The following COMMD1 variants were observed in gnomAD, a reference collection of about 807,000 sequenced individuals.
COMMD1 encodes COMM domain-containing protein 1.
Under a neutral mutation model 17.2 loss-of-function variants are expected in COMMD1, and 10 were observed. That is an observed-to-expected ratio of 0.58 (90% confidence interval 0.36 to 0.99). The LOEUF is 0.99. COMMD1 is among the 50% of genes least tolerant of loss of function. The pLI is 0.01. For missense variants in COMMD1, 270 were observed against 231.8 expected, an observed-to-expected ratio of 1.17 and a Z score of -1.07; for synonymous variants, 97 against 91.6, an observed-to-expected ratio of 1.06 and a Z score of -0.34.
intron 1 of COMMD1, among the ~76,000 whole-genome samples, chr2:61,897,844 C>A (rs191372146): frequency 1.3e-5 from 2 of 152,220 alleles, no homozygotes; most frequent in East Asian, 3.9e-4. Flanking sequence ...ACCCTAGGCT[C>A]CTGGTTCCAT....
intron 1 of COMMD1, among the ~76,000 whole-genome samples, chr2:61,897,198 A>T (rs1488763562): frequency 6.6e-6 from 1 of 152,192 alleles, no homozygotes; most frequent in Non-Finnish European, 1.5e-5. Context: ...AAACCTTGTT[A>T]AATGAATTCT....
chr2:61,941,778 GA>G (rs1437578824), intron 1 of COMMD1, among the ~76,000 whole-genome samples: 2 of 151,892 alleles, frequency 1.3e-5, no homozygotes, highest in Non-Finnish European at 2.9e-5. Flanking sequence ...TTAAAATTAA[GA>G]ATTTTGTCCT....
At chr2:61,963,842 G>A (rs1671434444) in intron 1 of COMMD1, among the ~76,000 whole-genome samples, 1 of 152,204 alleles carries the variant, frequency 6.6e-6, no homozygotes, top group African/African-American at 2.4e-5. Context: ...ATGTAGAATT[G>A]CACTTTACCT....
chr2:62,021,671 A>G (rs1268303478), intron 2 of COMMD1, among the ~76,000 whole-genome samples: 1 of 152,150 alleles, frequency 6.6e-6, no homozygotes, highest in Non-Finnish European at 1.5e-5. Context: ...CTTAATGTTT[A>G]TATCATTAGC....
At chr2:62,016,871 C>T (rs1367301967) in intron 2 of COMMD1, among the ~76,000 whole-genome samples, 1 of 152,064 alleles carries the variant, frequency 6.6e-6, no homozygotes. Flanking sequence ...CTTTGATCCA[C>T]TCGAGTTAAT....
At chr2:61,930,753 A>G (rs1465462288) in intron 1 of COMMD1, among the ~76,000 whole-genome samples, 1 of 151,714 alleles carries the variant, frequency 6.6e-6, no homozygotes, top group East Asian at 1.9e-4. Flanking sequence ...TACTAAGATA[A>G]TAGTTGGAAG....
At chr2:62,079,120 C>T (rs1671443129) in intron 2 of COMMD1, among the ~76,000 whole-genome samples, 1 of 152,112 alleles carries the variant, frequency 6.6e-6, no homozygotes, top group Non-Finnish European at 1.5e-5. Flanking sequence ...GGTCCCGAAC[C>T]AGACCCCAAG....
intron 2 of COMMD1, among the ~76,000 whole-genome samples, chr2:62,048,659 G>A (rs1005911502): frequency 7.9e-5 from 12 of 151,604 alleles, no homozygotes; most frequent in Non-Finnish European, 1.0e-4. Context: ...TTTCTAGAAC[G>A]TTCATAGTTT....
At position 62,109,114 on chromosome 2, in the gene COMMD1, T is replaced by G. The variant is rs114616028; in HGVS notation, c.463-26717T>G. Reference sequence around the variant, plus strand: ...AGTATTCCAAGAAGAACAGAGATTATCAAGGTGCTTGATAATGACTTAATT... The same window carrying G: ...AGTATTCCAAGAAGAACAGAGATTAGCAAGGTGCTTGATAATGACTTAATT... On this transcript the variant is annotated intron_variant, in intron 2 of 2. Coordinates refer to ENST00000311832, the MANE Select transcript of COMMD1 (RefSeq NM_152516.4). Among the ~76,000 whole-genome samples the G allele has an allele frequency of 6.7e-3, 1,016 of 152,348 alleles. 14 individuals are homozygous for G. Among genetic ancestry groups the G allele is most frequent in the African/African-American group, 0.023 (957 of 41,578 alleles).
chr2:61,941,089 G>A (rs538194446), intron 1 of COMMD1, among the ~76,000 whole-genome samples: 1 of 150,162 alleles, frequency 6.7e-6, no homozygotes, highest in Admixed American at 6.6e-5. Flanking sequence ...GTGCGGTGGC[G>A]CGATCTTGGC....
Position 62,050,895 on chromosome 2 carries a change from A to T in COMMD1, c.462+49913A>T, listed in dbSNP as rs575403814. Among the ~76,000 whole-genome samples, 37 of 152,336 alleles carry T rather than the reference A, an allele frequency of 2.4e-4. 1 individual carries two copies. The highest frequency in any genetic ancestry group is 2.1e-4 in the South Asian group (1 of 4,832). ...GGACTTGTGAATCAAAAACAAAAACAGAAACAAACAGAACCCCTTTTCTTC... is the reference window on the plus strand; with the variant it reads ...GGACTTGTGAATCAAAAACAAAAACTGAAACAAACAGAACCCCTTTTCTTC... On this transcript the variant is annotated intron_variant, in intron 2 of 2. Coordinates refer to ENST00000311832, the MANE Select transcript of COMMD1 (RefSeq NM_152516.4).
intron 2 of COMMD1, among the ~76,000 whole-genome samples, chr2:62,091,220 A>G (rs1407484787): frequency 6.6e-6 from 1 of 152,160 alleles, no homozygotes; most frequent in Non-Finnish European, 1.5e-5. Flanking sequence ...TGAGTGCTGT[A>G]TTATCTTTTA....
intron 2 of COMMD1, among the ~76,000 whole-genome samples, chr2:62,004,747 T>C (rs1468896941): frequency 6.6e-6 from 1 of 152,224 alleles, no homozygotes; most frequent in Non-Finnish European, 1.5e-5. Context: ...CCTTGGTTAG[T>C]ACTTATGCCA....
intron 2 of COMMD1, among the ~76,000 whole-genome samples, chr2:62,080,772 G>A (rs1471880083): frequency 7.5e-6 from 1 of 134,202 alleles, no homozygotes; most frequent in Non-Finnish European, 1.5e-5. Context: ...TGGAGTTCTG[G>A]ATGATAGTTG....
intron 2 of COMMD1, among the ~76,000 whole-genome samples, chr2:62,109,531 A>G (rs1672399159): frequency 1.3e-5 from 2 of 152,164 alleles, no homozygotes; most frequent in African/African-American, 2.4e-5. Flanking sequence ...CTTTCTAAAA[A>G]CCCTATGAAG....
chr2:62,000,704 A>G lies in COMMD1; in HGVS notation c.184A>G (p.Ile62Val), dbSNP rs749972858. The G allele has an allele frequency of 3.2e-5, 52 of 1,613,940 alleles. No individual in the cohort carries two copies. In the Admixed American group the frequency reaches 6.7e-4, roughly 21 times the overall value. Residue 62 changes from isoleucine to valine, a missense_variant, in exon 2 of 3, where the codon ATT (isoleucine) becomes GTT (valine). Transcript: ENST00000311832. Reference sequence around the variant, plus strand: ...GCTTTTTCTGTCATCTTTATAGTCTATTGCGTCTGCAGACATGGATTTCAA... The same window carrying G: ...GCTTTTTCTGTCATCTTTATAGTCTGTTGCGTCTGCAGACATGGATTTCAA... ...LAKMRGILKSIASADMDFNQL... is the reference protein window; with the variant it reads ...LAKMRGILKSVASADMDFNQL...
chr2:62,083,796 A>G (rs866213246), intron 2 of COMMD1, among the ~76,000 whole-genome samples: 2 of 152,252 alleles, frequency 1.3e-5, no homozygotes, highest in African/African-American at 2.4e-5. Context: ...ACTCAAGTGT[A>G]TAGTATAAGG....
At position 62,116,047 on chromosome 2, in the gene COMMD1, G is replaced by A. The variant is rs141848241; in HGVS notation, c.463-19784G>A. Among the ~76,000 whole-genome samples the A allele has an allele frequency of 3.0e-3, 449 of 151,902 alleles. 1 individual carries two copies. Among genetic ancestry groups the A allele is most frequent in the African/African-American group, 0.01 (427 of 41,452 alleles). Reference sequence around the variant, plus strand: ...TTTTTTTGTAGAGATGGGGTTTGCCGTGTTGCCCAGGCTGGTTTTGAACTC... The same window carrying A: ...TTTTTTTGTAGAGATGGGGTTTGCCATGTTGCCCAGGCTGGTTTTGAACTC... On this transcript the variant is annotated intron_variant, in intron 2 of 2. Transcript: ENST00000311832.
chr2:61,967,959 G>A (rs950094548), intron 1 of COMMD1, among the ~76,000 whole-genome samples: 2 of 152,104 alleles, frequency 1.3e-5, no homozygotes, highest in Non-Finnish European at 2.9e-5. Context: ...TCAGGAGTTC[G>A]AGACCAGCCT....
Sources: allele counts gnomAD v4.1 joint callset (sites outside exome capture counted in the v4.1 genomes callset), GRCh38; gene constraint gnomAD v4.1.1; transcripts MANE v1.5; gene names NCBI Gene and HGNC (gene_info 2026-07-23, HGNC 2026-07-21).